Variants in RBPJ observed in about 807,000 individuals in gnomAD.
RBPJ encodes the protein recombination signal binding protein for immunoglobulin kappa J region, also known as recombining binding protein suppressor of hairless.
In RBPJ, 9 loss-of-function variants were observed where a neutral mutation model predicts 67.8. The observed-to-expected ratio is 0.13, with a 90% CI of 0.08 to 0.23. The LOEUF is 0.23. RBPJ is among the 10% of genes least tolerant of loss of function. The pLI, the probability that RBPJ is intolerant of heterozygous loss-of-function variation, is 1.00. For missense variants in RBPJ, 305 were observed against 595.6 expected, an observed-to-expected ratio of 0.51 and a Z score of 5.08; for synonymous variants, 198 against 203.3, an observed-to-expected ratio of 0.97 and a Z score of 0.22.
chr4:26,417,497 A>G (rs1031213325), intron 4 of RBPJ, among the ~76,000 whole-genome samples: 1 of 152,206 alleles, frequency 6.6e-6, no homozygotes, highest in South Asian at 2.1e-4. Context: ...AGTATTTAAA[A>G]TACCTAGTAA....
chr4:26,193,368 C>T lies in RBPJ; in HGVS notation c.-167+29754C>T, dbSNP rs191294379. On this transcript the variant is annotated intron_variant, in intron 1 of 4. Transcript: ENST00000512351. ...TATTGAAAATGAAGGTGCCTCTTGTCTCAGTTTTGGAATAAGTAAAGGTTA... is the reference window on the plus strand; with the variant it reads ...TATTGAAAATGAAGGTGCCTCTTGTTTCAGTTTTGGAATAAGTAAAGGTTA... Among the ~76,000 whole-genome samples, 1,317 of 152,260 alleles carry T rather than the reference C, an allele frequency of 8.6e-3. 13 individuals carry two copies. The highest frequency in any genetic ancestry group is 0.03 in the African/African-American group (1,265 of 41,542).
chr4:26,263,731 C>T (rs1440297285), intron 1 of RBPJ, among the ~76,000 whole-genome samples: 1 of 151,918 alleles, frequency 6.6e-6, no homozygotes, highest in Non-Finnish European at 1.5e-5. Context: ...GCCACCACGC[C>T]CAGCTAATTT....
At chr4:26,279,121 C>T (rs1326261983) in intron 1 of RBPJ, among the ~76,000 whole-genome samples, 1 of 152,136 alleles carries the variant, frequency 6.6e-6, no homozygotes, top group African/African-American at 2.4e-5. Context: ...ACAGTATGTA[C>T]TCAATAAATG....
intron 2 of RBPJ, among the ~76,000 whole-genome samples, chr4:26,395,557 A>G (rs1732036674): frequency 6.6e-6 from 1 of 152,102 alleles, no homozygotes; most frequent in Non-Finnish European, 1.5e-5. Context: ...TTGATCCTGA[A>G]TATTTAAGGT....
rs147743112 is a variant in RBPJ at position 26,355,730 on chromosome 4, A to G, written c.21-30623A>G. On this transcript the variant is annotated intron_variant, in intron 1 of 10. Coordinates refer to ENST00000355476, the MANE Select transcript of RBPJ (RefSeq NM_015874.6). ...AACACCTTGAGTTATATAAAACGTA[A>G]GTGAAGACAGTCTGGCCCTTGATAG... 5.0e-3 allele frequency among the ~76,000 whole-genome samples: 762 copies of G among 152,328 alleles called. 5 individuals are homozygous for G. Among genetic ancestry groups the G allele is most frequent in the Admixed American group, 9.1e-3 (139 of 15,298 alleles).
intron 1 of RBPJ, among the ~76,000 whole-genome samples, chr4:26,172,000 G>T (rs1716606075): frequency 6.6e-6 from 1 of 152,216 alleles, no homozygotes. Flanking sequence ...AAGGCTGCCT[G>T]CTAAGCTGGA....
chr4:26,400,715 C>G (rs28620160), intron 2 of RBPJ, among the ~76,000 whole-genome samples: 83 of 152,190 alleles, frequency 5.5e-4, no homozygotes, highest in African/African-American at 2.0e-3. Context: ...TCATGATTAC[C>G]TTGAGGCTCT....
chr4:26,379,084 A>G (rs531891444), intron 1 of RBPJ, among the ~76,000 whole-genome samples: 155 of 152,314 alleles, frequency 1.0e-3, no homozygotes, highest in Non-Finnish European at 1.6e-3. Context: ...ATGTTTCTGT[A>G]CAGCAAATAT....
chr4:26,414,818 G>A (rs901201237), intron 3 of RBPJ, among the ~76,000 whole-genome samples: 1 of 152,198 alleles, frequency 6.6e-6, no homozygotes, highest in Non-Finnish European at 1.5e-5. Flanking sequence ...AAAGAATACA[G>A]TGTATTGTTC....
chr4:26,158,945 T>TCTCTCTC (rs1716025420), upstream of RBPJ, among the ~76,000 whole-genome samples: 131 of 136,850 alleles, frequency 9.6e-4, no homozygotes, highest in Middle Eastern at 3.8e-3. Flanking sequence ...CTCTCTCTCT[T>TCTCTCTC]TCTCTCTCTC....
chr4:26,210,986 G>A (rs73245730), intron 1 of RBPJ, among the ~76,000 whole-genome samples: 46,070 of 151,466 alleles, frequency 0.3, 7,639 homozygotes, highest in Middle Eastern at 0.42. Context: ...GTAAGCAGAA[G>A]CAAAGTAATT....
chr4:26,272,229 TA>T (rs1297500966), intron 1 of RBPJ, among the ~76,000 whole-genome samples: 1 of 152,086 alleles, frequency 6.6e-6, no homozygotes, highest in Non-Finnish European at 1.5e-5. Flanking sequence ...AAAACTGAGA[TA>T]TTTGCAAGAA....
chr4:26,288,339 C>A (rs13142370), intron 1 of RBPJ, among the ~76,000 whole-genome samples: 5 of 152,018 alleles, frequency 3.3e-5, no homozygotes, highest in African/African-American at 1.2e-4. Flanking sequence ...TCCAAGGTGG[C>A]GCTCTCATGG....
chr4:26,236,629 C>A (rs958934941), intron 1 of RBPJ, among the ~76,000 whole-genome samples: 1 of 152,110 alleles, frequency 6.6e-6, no homozygotes, highest in Non-Finnish European at 1.5e-5. Context: ...ATTCAAGAGA[C>A]CAAGATGGAA....
At chr4:26,385,397 C>G (rs1295740986) in intron 1 of RBPJ, among the ~76,000 whole-genome samples, 1 of 152,104 alleles carries the variant, frequency 6.6e-6, no homozygotes, top group Non-Finnish European at 1.5e-5. Flanking sequence ...TCACTGTGTC[C>G]TTTTTACAGA....
At chr4:26,265,292 G>A (rs1426802112) in intron 1 of RBPJ, among the ~76,000 whole-genome samples, 2 of 152,122 alleles carry the variant, frequency 1.3e-5, no homozygotes, top group African/African-American at 4.8e-5. Context: ...ACTTTGGGAG[G>A]CTGAGGCCGG....
At position 26,375,805 on chromosome 4, in the gene RBPJ, C is replaced by T. The variant is rs114276135; in HGVS notation, c.21-10548C>T. On this transcript the variant is annotated intron_variant, in intron 1 of 10. Transcript: ENST00000355476. ...TGTAGCAAGTCAGGGGAAAGGGATG[C>T]TTGCTGCGTGCTCTCTGGCCGCCCT... Among the ~76,000 whole-genome samples, 1,297 of 152,228 alleles carry T rather than the reference C, an allele frequency of 8.5e-3. 24 individuals are homozygous for T. Among genetic ancestry groups the T allele is most frequent in the African/African-American group, 0.03 (1,249 of 41,542 alleles).
chr4:26,320,849 C>G (rs749706485), upstream of RBPJ: 18 of 1,568,606 alleles, frequency 1.1e-5, no homozygotes, highest in Admixed American at 3.3e-4. Flanking sequence ...AGCAGGATCC[C>G]CTACTCTGCG....
In RBPJ at chr4:26,200,670, A is replaced by G. The variant is rs547354266; in HGVS notation, c.-167+37056A>G. On this transcript the variant is annotated intron_variant, in intron 1 of 4. Coordinates refer to the RBPJ transcript ENST00000512351. ...CGAAACTTTCTATCTGAAAAAAAAA[A>G]GAAAAAAAAACCCAAGCAATCAGAT... Among the ~76,000 whole-genome samples, 765 of 137,014 alleles carry G rather than the reference A, an allele frequency of 5.6e-3. 5 individuals carry two copies. Among genetic ancestry groups the G allele is most frequent in the African/African-American group, 0.019 (724 of 37,968 alleles). 89.9% of individuals were successfully genotyped at this position (137,014 alleles called of 152,430 possible).
Sources: gnomAD v4.1 joint callset for allele counts (sites outside exome capture counted in the v4.1 genomes callset) on GRCh38, gnomAD v4.1.1 for gene constraint, MANE v1.5 for transcripts, NCBI Gene and HGNC (gene_info 2026-07-23, HGNC 2026-07-21) for gene names.